Variants in MYO5B observed in about 807,000 individuals in gnomAD.
MYO5B encodes unconventional myosin-Vb.
MYO5B carries 143 observed loss-of-function variants against 229.3 expected under a neutral mutation model. The observed-to-expected ratio is 0.62, with a 90% CI of 0.54 to 0.72. The LOEUF (loss-of-function observed/expected upper bound fraction) is 0.72, where lower values mean the gene tolerates loss of function less well. MYO5B is among the 30% of genes least tolerant of loss of function. The pLI, the probability that MYO5B is intolerant of heterozygous loss-of-function variation, is 0.00. For missense variants in MYO5B, 2,321 were observed against 2,331.0 expected, an observed-to-expected ratio of 1.00 and a Z score of 0.09; for synonymous variants, 918 against 885.2, an observed-to-expected ratio of 1.04 and a Z score of -0.66.
At chr18:50,129,687 T>C (rs1334448194) in intron 1 of MYO5B, among the ~76,000 whole-genome samples, 1 of 152,160 alleles carries the variant, frequency 6.6e-6, no homozygotes, top group African/African-American at 2.4e-5. Flanking sequence ...CCGAGGTCCC[T>C]AGGGAGTAGC....
At chr18:49,862,201 T>C (rs1046822193) in intron 29 of MYO5B, among the ~76,000 whole-genome samples, 1 of 152,144 alleles carries the variant, frequency 6.6e-6, no homozygotes, top group African/African-American at 2.4e-5. Flanking sequence ...TTTCACCACA[T>C]TGGCCAGGCT....
intron 4 of MYO5B, among the ~76,000 whole-genome samples, chr18:50,033,316 C>A (rs545038876): frequency 6.6e-6 from 1 of 152,136 alleles, no homozygotes; most frequent in Non-Finnish European, 1.5e-5. Flanking sequence ...TCTGTGCATC[C>A]TACCAATTCA....
chr18:50,180,553 C>T (rs188117648), intron 1 of MYO5B, among the ~76,000 whole-genome samples: 15 of 152,296 alleles, frequency 9.8e-5, no homozygotes, highest in Admixed American at 9.2e-4. Flanking sequence ...TGGTAAGATA[C>T]ACAAAATTTA....
intron 1 of MYO5B, among the ~76,000 whole-genome samples, chr18:50,106,526 T>A (rs2031763276): frequency 6.6e-6 from 1 of 152,166 alleles, no homozygotes; most frequent in African/African-American, 2.4e-5. Flanking sequence ...CTACTTTCAT[T>A]TCCCTAAATG....
chr18:50,051,692 T>C (rs1052238280), intron 2 of MYO5B, among the ~76,000 whole-genome samples: 1 of 152,214 alleles, frequency 6.6e-6, no homozygotes, highest in South Asian at 2.1e-4. Context: ...AGGTATAAGA[T>C]GTTATTCCCC....
chr18:49,973,450 C>G (rs186382739), intron 10 of MYO5B, among the ~76,000 whole-genome samples: 1 of 152,160 alleles, frequency 6.6e-6, no homozygotes, highest in Non-Finnish European at 1.5e-5. Flanking sequence ...ACTGTTCTTA[C>G]GACGCTTCAC....
rs1411484256 is a variant in MYO5B, at chr18:49,825,009, G to C, written c.*1462C>G. ...TGCTGTGTTTCCAAGAGCCTTTTAA[G>C]TTGGGTGGTTGAGTAAAAGAGGGTG... On this transcript the variant is annotated 3_prime_UTR_variant, in exon 40 of 40. Transcript: ENST00000285039. 1.3e-5 allele frequency: 2 copies of C among 152,268 alleles called. No homozygotes were observed. Among genetic ancestry groups the C allele is most frequent in the Non-Finnish European group, 2.9e-5 (2 of 68,068 alleles). The allele number at this position is 152,268 out of a possible 1,614,324, so 9.4% of individuals were successfully genotyped here. A position where few individuals can be genotyped will look rare whatever the true frequency, so the allele number is the denominator to read the frequency against.
At chr18:49,948,673 A>C (rs1024774481) in intron 14 of MYO5B, among the ~76,000 whole-genome samples, 2 of 152,228 alleles carry the variant, frequency 1.3e-5, no homozygotes, top group African/African-American at 4.8e-5. Flanking sequence ...GGTCAAAACA[A>C]GGTGTGTGTA....
chr18:50,194,137 C>G (rs113759425), intron 1 of MYO5B, among the ~76,000 whole-genome samples: 4 of 152,322 alleles, frequency 2.6e-5, no homozygotes, highest in Non-Finnish European at 4.4e-5. Flanking sequence ...CCTGGGGTCT[C>G]CGGAGATAAC....
rs1177598305 is a variant in MYO5B, at chr18:49,900,369, C to A, written c.2811+2225G>T. Among the ~76,000 whole-genome samples, 7 of 152,340 alleles carry A rather than the reference C, an allele frequency of 4.6e-5. No homozygotes were observed. In the East Asian group the frequency reaches 1.2e-3, roughly 25 times the overall value. On this transcript the variant is annotated intron_variant, in intron 21 of 39. Coordinates refer to ENST00000285039, the MANE Select transcript of MYO5B (RefSeq NM_001080467.3). Reference sequence around the variant, plus strand: ...ACAGCAGGCTGACCAGGGGCAGGCACAAGCCCTGTGCCCACCCTGTGCCTG... The same window carrying A: ...ACAGCAGGCTGACCAGGGGCAGGCAAAAGCCCTGTGCCCACCCTGTGCCTG...
At chr18:50,117,866 G>A (rs939221455) in intron 1 of MYO5B, among the ~76,000 whole-genome samples, 2 of 152,054 alleles carry the variant, frequency 1.3e-5, no homozygotes, top group African/African-American at 4.8e-5. Flanking sequence ...GCCATGCTTG[G>A]GTCCAGGGGC....
chr18:50,066,450 GTCA>G (rs1186282983), intron 1 of MYO5B, among the ~76,000 whole-genome samples: 2 of 152,138 alleles, frequency 1.3e-5, no homozygotes, highest in Non-Finnish European at 2.9e-5. Flanking sequence ...ATTATTTCAT[GTCA>G]TCATCAACCA....
At chr18:49,954,163 G>T in intron 13 of MYO5B, 150 bp downstream of exon 13, 1 of 1,157,874 alleles carries the variant, frequency 8.6e-7, no homozygotes. Context: ...GAAGTAGAGG[G>T]GTGGGTAAAA....
intron 1 of MYO5B, among the ~76,000 whole-genome samples, chr18:50,094,010 G>A (rs146761018): frequency 1.3e-5 from 2 of 152,076 alleles, no homozygotes; most frequent in African/African-American, 2.4e-5. Flanking sequence ...CTCTGCCTTC[G>A]GAGTAACCAC....
intron 29 of MYO5B, among the ~76,000 whole-genome samples, chr18:49,858,354 T>C (rs1265075146): frequency 6.6e-6 from 1 of 152,144 alleles, no homozygotes; most frequent in Non-Finnish European, 1.5e-5. Flanking sequence ...ACTGCAGTGA[T>C]TCTTGGGGAG....
chr18:50,165,164 C>T (rs1056176286), intron 1 of MYO5B, among the ~76,000 whole-genome samples: 64 of 152,322 alleles, frequency 4.2e-4, no homozygotes, highest in African/African-American at 1.4e-3. Context: ...TACCAGAATG[C>T]CACTGATTAA....
At chr18:49,967,577 A>C (rs544313227) in intron 10 of MYO5B, among the ~76,000 whole-genome samples, 1 of 152,254 alleles carries the variant, frequency 6.6e-6, no homozygotes, top group African/African-American at 2.4e-5. Context: ...AATGATTATT[A>C]GAAGTCACAC....
chr18:49,993,176 T>C (rs1206146132), intron 5 of MYO5B, among the ~76,000 whole-genome samples: 1 of 152,110 alleles, frequency 6.6e-6, no homozygotes, highest in African/African-American at 2.4e-5. Flanking sequence ...AAGAATACAT[T>C]AATATTTAAT....
intron 39 of MYO5B, among the ~76,000 whole-genome samples, chr18:49,833,357 T>C (rs2023946838): frequency 6.6e-6 from 1 of 152,194 alleles, no homozygotes; most frequent in Non-Finnish European, 1.5e-5. Context: ...ATCACACATG[T>C]GAGTTCAAAT....
Sources: gnomAD v4.1 joint callset for allele counts (sites outside exome capture counted in the v4.1 genomes callset) on GRCh38, gnomAD v4.1.1 for gene constraint, MANE v1.5 for transcripts, NCBI Gene and HGNC (gene_info 2026-07-23, HGNC 2026-07-21) for gene names.